MRC1: variants seen among roughly 807,000 people sequenced by gnomAD.
The protein encoded by MRC1 is macrophage mannose receptor 1.
MRC1 carries 62 observed loss-of-function variants against 102.9 expected under a neutral mutation model. The ratio of observed to expected loss-of-function variants is 0.60; its 90% CI spans 0.49 to 0.74. The LOEUF is 0.74. Among genes scored for constraint, MRC1 ranks in the 30% least tolerant of loss-of-function variants. The pLI is 0.00. For missense variants in MRC1, 1,237 were observed against 862.8 expected (o/e 1.43, Z -5.43); for synonymous variants, 457 against 298.4 (o/e 1.53, Z -5.48).
In MRC1 at chr10:17,856,301, A is replaced by G. The variant is rs1233197013; in HGVS notation, c.1467A>G (p.Lys489=). The G allele has an allele frequency of 5.8e-6, 5 of 865,174 alleles. No homozygotes were observed. Among genetic ancestry groups the G allele is most frequent in the Admixed American group, 1.7e-5 (1 of 58,228 alleles). The allele number at this position is 865,174 out of a possible 1,614,324, so 53.6% of individuals were successfully genotyped here. A position where few individuals can be genotyped will look rare whatever the true frequency, so the allele number is the denominator to read the frequency against. ...CTCTTGGCTACATCTGCAAGATGAA[A>G]TCACGAAGCCAAGGTCCAGAAATAG... The part of the protein sequence containing the change: ...EWPLGYICKM[K]SRSQGPEIVE... Residue 489 remains lysine (K), a synonymous_variant, in exon 9 of 30, where the codon AAA becomes AAG. Transcript: ENST00000569591.
chr10:17,835,492 A>G (rs1217619151), intron 4 of MRC1, among the ~76,000 whole-genome samples: 1 of 152,182 alleles, frequency 6.6e-6, no homozygotes, highest in Admixed American at 6.5e-5. Flanking sequence ...ATAGGTACCA[A>G]TTATAATAAG....
rs1020057309 is a variant in MRC1, at chr10:17,855,387, C to T, written c.1408-855C>T. On this transcript the variant is annotated intron_variant, in intron 8 of 29. Transcript: ENST00000569591. ...GAGATCGAGACCATCCTGGCTAACA[C>T]GGTGAAACCCCGTCTCTACTAAAAA... 1.4e-3 allele frequency among the ~76,000 whole-genome samples: 219 copies of T among 151,762 alleles called. 1 individual carries two copies. Among genetic ancestry groups the T allele is most frequent in the Non-Finnish European group, 2.0e-3 (138 of 67,896 alleles).
chr10:17,877,989 C>T (rs1778630029), intron 18 of MRC1, 22 bp downstream of exon 18: 1 of 871,552 alleles, frequency 1.1e-6, no homozygotes, highest in Admixed American at 1.7e-5. Flanking sequence ...AAGCTAAAAA[C>T]AACTTTGCTT....
intron 19 of MRC1, among the ~76,000 whole-genome samples, chr10:17,880,034 C>T (rs2130689686): frequency 6.6e-6 from 1 of 152,312 alleles, no homozygotes; most frequent in East Asian, 1.9e-4. Flanking sequence ...AATCTTCTCA[C>T]TTCTTCCCAA....
At chr10:17,873,877 TCTTTC>T in intron 16 of MRC1, 52 bp downstream of exon 16, 1 of 865,432 alleles carries the variant, frequency 1.2e-6, no homozygotes, top group South Asian at 1.3e-5. Context: ...TTTCTCCGCC[TCTTTC>T]CTTTCTCAAT....
intron 21 of MRC1, among the ~76,000 whole-genome samples, chr10:17,884,114 A>C (rs1833557220): frequency 6.6e-6 from 1 of 152,108 alleles, no homozygotes; most frequent in Admixed American, 6.6e-5. Flanking sequence ...CTACAGGCGC[A>C]TGACACCGAT....
intron 21 of MRC1, among the ~76,000 whole-genome samples, chr10:17,882,975 A>G (rs1181290613): frequency 6.6e-6 from 1 of 152,238 alleles, no homozygotes; most frequent in Non-Finnish European, 1.5e-5. Flanking sequence ...CAAAACAGGC[A>G]CACGTAGTTG....
intron 22 of MRC1, 116 bp from the exon 23 acceptor site, chr10:17,894,094 C>A: frequency 2.7e-6 from 2 of 753,514 alleles, no homozygotes; most frequent in Non-Finnish European, 4.9e-6. Flanking sequence ...TAAGTTAGGA[C>A]AATCTTAAAA....
chr10:17,861,357 C>A, intron 9 of MRC1, 30 bp from the exon 10 acceptor site: 1 of 843,624 alleles, frequency 1.2e-6, no homozygotes, highest in South Asian at 1.3e-5. Context: ...GAACTCTGCT[C>A]ATTTATTCAC....
chr10:17,880,303 T>A (rs1402485158), intron 19 of MRC1, among the ~76,000 whole-genome samples: 22 of 152,194 alleles, frequency 1.4e-4, no homozygotes, highest in African/African-American at 5.3e-4. Flanking sequence ...ATCATGTACA[T>A]GTTTGGTTCA....
intron 6 of MRC1, among the ~76,000 whole-genome samples, chr10:17,846,896 A>G (rs1016432761): frequency 6.6e-6 from 1 of 152,222 alleles, no homozygotes; most frequent in Non-Finnish European, 1.5e-5. Context: ...TGAGGTAAAT[A>G]ACTATATACA....
intron 12 of MRC1, among the ~76,000 whole-genome samples, chr10:17,867,117 C>CCCTCCCTTCCTCCCTT (rs1233872527): frequency 7.1e-6 from 1 of 140,048 alleles, no homozygotes; most frequent in African/African-American, 2.6e-5. Flanking sequence ...TACCCCCTTA[C>CCCTCCCTTCCTCCCTT]CCTCCCTTCC....
intron 10 of MRC1, among the ~76,000 whole-genome samples, chr10:17,863,244 G>A (rs1833211063): frequency 6.6e-6 from 1 of 152,048 alleles, no homozygotes; most frequent in Non-Finnish European, 1.5e-5. Context: ...AAAATTCTCT[G>A]ACATTTTGAG....
chr10:17,822,235 T>A (rs1163076293), intron 1 of MRC1, among the ~76,000 whole-genome samples: 1 of 152,224 alleles, frequency 6.6e-6, no homozygotes, highest in Non-Finnish European at 1.5e-5. Flanking sequence ...TCTCCAATGA[T>A]ATAAAACTTA....
At chr10:17,830,929 C>T (rs1180502885) in intron 3 of MRC1, among the ~76,000 whole-genome samples, 1 of 151,074 alleles carries the variant, frequency 6.6e-6, no homozygotes, top group East Asian at 1.9e-4. Flanking sequence ...TGCTCTGTCA[C>T]TGAGGCTGGA....
intron 16 of MRC1, among the ~76,000 whole-genome samples, chr10:17,874,093 T>C (rs1030828191): frequency 7.9e-5 from 12 of 152,304 alleles, no homozygotes; most frequent in Admixed American, 7.2e-4. Flanking sequence ...TATATTAGTG[T>C]CCACAGGCTG....
At chr10:17,835,599 C>T (rs1301700849) in intron 4 of MRC1, among the ~76,000 whole-genome samples, 4 of 152,204 alleles carry the variant, frequency 2.6e-5, no homozygotes, top group African/African-American at 9.6e-5. Context: ...TATGACCCCT[C>T]TTCCCCCAAG....
intron 22 of MRC1, among the ~76,000 whole-genome samples, chr10:17,886,793 C>A (rs1324910337): frequency 6.6e-6 from 1 of 152,056 alleles, no homozygotes; most frequent in Non-Finnish European, 1.5e-5. Flanking sequence ...AGGTGGGCAG[C>A]CTTCAAGCAA....
At chr10:17,835,471 C>T (rs909442604) in intron 4 of MRC1, among the ~76,000 whole-genome samples, 1 of 152,066 alleles carries the variant, frequency 6.6e-6, no homozygotes, top group Non-Finnish European at 1.5e-5. Context: ...AACAAGAAAA[C>T]AAACAAATGA....
Sources: gnomAD v4.1 joint callset for allele counts (sites outside exome capture counted in the v4.1 genomes callset) on GRCh38, gnomAD v4.1.1 for gene constraint, MANE v1.5 for transcripts, NCBI Gene and HGNC (gene_info 2026-07-23, HGNC 2026-07-21) for gene names.